The following SGMS1 variants were observed in gnomAD, a reference collection of about 807,000 sequenced individuals.
SGMS1 encodes the protein phosphatidylcholine:ceramide cholinephosphotransferase 1.
In SGMS1, 13 loss-of-function variants were observed where a neutral mutation model predicts 46.2. That is an observed-to-expected ratio of 0.28 (90% confidence interval 0.18 to 0.45). The LOEUF (loss-of-function observed/expected upper bound fraction) is 0.45. Ranked by LOEUF, SGMS1 falls within the 20% of genes least tolerant of loss-of-function variation. The pLI, the probability that SGMS1 is intolerant of heterozygous loss-of-function variation, is 1.00. For synonymous variants in SGMS1, 203 were observed against 187.8 expected (o/e 1.08, Z -0.66); for missense variants, 324 against 519.9 (o/e 0.62, Z 3.66).
intron 5 of SGMS1, among the ~76,000 whole-genome samples, chr10:50,455,660 A>G (rs111408853): frequency 1.2e-4 from 19 of 152,358 alleles, no homozygotes; most frequent in African/African-American, 4.3e-4. Flanking sequence ...ATTCACCAAT[A>G]TAAATCTTCA....
intron 3 of SGMS1, among the ~76,000 whole-genome samples, chr10:50,516,939 CA>C (rs1408626385): frequency 6.6e-6 from 1 of 151,976 alleles, no homozygotes; most frequent in African/African-American, 2.4e-5. Flanking sequence ...CAGGATTGGG[CA>C]AAAAAGAAAG....
chr10:50,603,143 C>A (rs1838663644), intron 1 of SGMS1, among the ~76,000 whole-genome samples: 1 of 152,232 alleles, frequency 6.6e-6, no homozygotes, highest in African/African-American at 2.4e-5. Flanking sequence ...CTAATAATAA[C>A]CACTACCATT....
chr10:50,620,707 C>G (rs968599157), intron 1 of SGMS1, among the ~76,000 whole-genome samples: 4 of 152,200 alleles, frequency 2.6e-5, no homozygotes, highest in Admixed American at 2.0e-4. Context: ...TCATGCCTCC[C>G]TCCTAAAGAC....
chr10:50,609,593 T>C (rs768622972), intron 1 of SGMS1, among the ~76,000 whole-genome samples: 26 of 146,932 alleles, frequency 1.8e-4, no homozygotes, highest in African/African-American at 6.5e-4. Flanking sequence ...TCAGAACAAC[T>C]TTCTTTATGA....
chr10:50,479,616 T>C (rs1339000917), intron 3 of SGMS1, among the ~76,000 whole-genome samples: 1 of 152,166 alleles, frequency 6.6e-6, no homozygotes, highest in Non-Finnish European at 1.5e-5. Flanking sequence ...ATAGATTTCA[T>C]TGACAAATAT....
chr10:50,401,382 T>G (rs1434679496), intron 6 of SGMS1, among the ~76,000 whole-genome samples: 1 of 152,222 alleles, frequency 6.6e-6, no homozygotes, highest in Non-Finnish European at 1.5e-5. Flanking sequence ...GATGGAGACA[T>G]TTTAATCTCC....
chr10:50,400,074 C>T (rs966674819), intron 6 of SGMS1, among the ~76,000 whole-genome samples: 20 of 150,578 alleles, frequency 1.3e-4, no homozygotes, highest in African/African-American at 4.4e-4. Flanking sequence ...GAAGTACGTG[C>T]GTGAGGTGCT....
upstream of SGMS1, chr10:50,624,930 T>A (rs376728936): frequency 2.6e-5 from 26 of 1,015,870 alleles, no homozygotes; most frequent in Non-Finnish European, 3.0e-5. Flanking sequence ...CACGTGACTG[T>A]CCGCGGCGCT....
chr10:50,406,403 T>C (rs1849015311), intron 6 of SGMS1, among the ~76,000 whole-genome samples: 7 of 152,156 alleles, frequency 4.6e-5, no homozygotes, highest in Non-Finnish European at 1.5e-5. Flanking sequence ...CATGAATAGC[T>C]TTCCCTGGGA....
chr10:50,370,390 G>A (rs1848416435), intron 6 of SGMS1, among the ~76,000 whole-genome samples: 1 of 150,628 alleles, frequency 6.6e-6, no homozygotes, highest in African/African-American at 2.4e-5. Flanking sequence ...TATTCTATAG[G>A]CTTTTTTCTA....
intron 8 of SGMS1, among the ~76,000 whole-genome samples, chr10:50,312,629 C>T (rs1478807808): frequency 6.6e-6 from 1 of 152,106 alleles, no homozygotes; most frequent in Non-Finnish European, 1.5e-5. Context: ...AAAATGATTT[C>T]CCACTTAGAA....
At chr10:50,320,918 G>A (rs554259904) in intron 8 of SGMS1, among the ~76,000 whole-genome samples, 1 of 152,178 alleles carries the variant, frequency 6.6e-6, no homozygotes, top group Non-Finnish European at 1.5e-5. Flanking sequence ...AGTCAGAGGG[G>A]GATCTGGGGA....
intron 2 of SGMS1, among the ~76,000 whole-genome samples, chr10:50,570,704 G>T (rs1246420030): frequency 6.6e-6 from 1 of 152,172 alleles, no homozygotes; most frequent in Non-Finnish European, 1.5e-5. Flanking sequence ...GGAGCCCAAG[G>T]CAGGAGAATT....
chr10:50,613,484 T>C (rs902814972), intron 1 of SGMS1, among the ~76,000 whole-genome samples: 9 of 152,206 alleles, frequency 5.9e-5, no homozygotes, highest in Non-Finnish European at 8.8e-5. Context: ...AGTTATAAAA[T>C]GACCAGACTG....
intron 3 of SGMS1, among the ~76,000 whole-genome samples, chr10:50,484,971 CTTGAAAA>C (rs1837507348): frequency 6.6e-6 from 1 of 152,144 alleles, no homozygotes; most frequent in African/African-American, 2.4e-5. Context: ...AAGCATTCTC[CTTGAAAA>C]CCAGCACAAG....
intron 3 of SGMS1, among the ~76,000 whole-genome samples, chr10:50,516,210 T>C (rs1837804919): frequency 6.6e-6 from 1 of 152,158 alleles, no homozygotes; most frequent in Non-Finnish European, 1.5e-5. Context: ...CACTTTGAAA[T>C]ACTTTTTTCA....
intron 3 of SGMS1, among the ~76,000 whole-genome samples, chr10:50,507,882 A>G (rs1837721141): frequency 1.3e-5 from 2 of 152,228 alleles, no homozygotes; most frequent in African/African-American, 4.8e-5. Context: ...GCAATGCCCA[A>G]GAGAACTTAT....
chr10:50,543,482 A>T (rs1314183602), intron 2 of SGMS1, among the ~76,000 whole-genome samples: 1 of 152,258 alleles, frequency 6.6e-6, no homozygotes, highest in Non-Finnish European at 1.5e-5. Flanking sequence ...AATATGTGGT[A>T]GAGGTAAAAA....
intron 2 of SGMS1, among the ~76,000 whole-genome samples, chr10:50,528,627 G>A (rs1837925634): frequency 6.6e-6 from 1 of 152,196 alleles, no homozygotes; most frequent in South Asian, 2.1e-4. Context: ...TAGGCTGGGT[G>A]GTAGCTCACA....
Sources: gnomAD v4.1 joint callset for allele counts (sites outside exome capture counted in the v4.1 genomes callset) on GRCh38, gnomAD v4.1.1 for gene constraint, MANE v1.5 for transcripts, NCBI Gene and HGNC (gene_info 2026-07-23, HGNC 2026-07-21) for gene names.